The following AHI1 variants were observed in gnomAD, a reference collection of about 807,000 sequenced individuals.
AHI1 encodes the protein Abelson helper integration site 1.
In AHI1, 123 loss-of-function variants were observed where a neutral mutation model predicts 149.3. That is an observed-to-expected ratio of 0.82 (90% CI 0.71 to 0.96). The LOEUF (loss-of-function observed/expected upper bound fraction) is 0.96. Among genes scored for constraint, AHI1 ranks in the 40% least tolerant of loss-of-function variants. The pLI is 0.00. For missense variants in AHI1, 1,439 were observed against 1,422.7 expected (o/e 1.01, Z -0.18); for synonymous variants, 475 against 459.8 (o/e 1.03, Z -0.42).
chr6:135,352,396 A>G (rs1792260024), intron 24 of AHI1, among the ~76,000 whole-genome samples: 1 of 151,964 alleles, frequency 6.6e-6, no homozygotes, highest in Admixed American at 6.6e-5. Flanking sequence ...TCTTTCTATA[A>G]TCTTTGGTCA....
chr6:135,322,386 GCT>G (rs1217343663), intron 25 of AHI1, among the ~76,000 whole-genome samples: 2 of 151,960 alleles, frequency 1.3e-5, no homozygotes, highest in Non-Finnish European at 2.9e-5. Context: ...TTGTTTTCAG[GCT>G]CTCTGCGTTC....
At chr6:135,494,008 G>A (rs1404936974) in intron 3 of AHI1, among the ~76,000 whole-genome samples, 7 of 152,284 alleles carry the variant, frequency 4.6e-5, no homozygotes, top group South Asian at 4.2e-4. Context: ...GCACCAGTGC[G>A]CTCCAGGTGA....
intron 11 of AHI1, among the ~76,000 whole-genome samples, chr6:135,451,912 A>T (rs2327614): frequency 0.44 from 66,629 of 151,610 alleles, 17,674 homozygotes; most frequent in East Asian, 0.59. Context: ...AAAGGCATTA[A>T]CAGATTTATA....
intron 17 of AHI1, 58 bp from the exon 18 acceptor site, chr6:135,430,058 T>A: frequency 2.2e-6 from 2 of 906,004 alleles, no homozygotes; most frequent in South Asian, 1.6e-5. Flanking sequence ...TAAACTTTTT[T>A]GGGGGTACAA....
chr6:135,399,407 A>C (rs556586090), intron 22 of AHI1, among the ~76,000 whole-genome samples: 1 of 152,250 alleles, frequency 6.6e-6, no homozygotes, highest in Non-Finnish European at 1.5e-5. Context: ...GGGTACAACA[A>C]AGCTTGTCTC....
intron 20 of AHI1, among the ~76,000 whole-genome samples, chr6:135,426,612 G>A (rs566927073): frequency 1.5e-4 from 23 of 151,428 alleles, no homozygotes; most frequent in Non-Finnish European, 3.3e-4. Flanking sequence ...CCTAATTTCA[G>A]GATAGAAATT....
chr6:135,443,059 C>T (rs1016827106), intron 13 of AHI1, among the ~76,000 whole-genome samples: 1 of 152,188 alleles, frequency 6.6e-6, no homozygotes, highest in Non-Finnish European at 1.5e-5. Context: ...TATGACAGCA[C>T]TAGTAAGTCA....
At chr6:135,389,219 G>A (rs1296811324) in intron 23 of AHI1, among the ~76,000 whole-genome samples, 1 of 151,218 alleles carries the variant, frequency 6.6e-6, no homozygotes, top group Admixed American at 6.6e-5. Context: ...GCTGAGGCAG[G>A]AGAATGGAGT....
rs778436772 is a variant in AHI1 at position 135,463,138 on chromosome 6, C to T, written c.918G>A (p.Lys306=). 2 of 1,576,810 alleles carry T rather than the reference C, an allele frequency of 1.3e-6. No individual in the cohort carries two copies. The highest frequency in any genetic ancestry group is 1.7e-6 in the Non-Finnish European group (2 of 1,163,680). Residue 306 remains lysine (K), a synonymous_variant, in exon 8 of 29, where the codon AAG becomes AAA. Coordinates refer to ENST00000265602, the MANE Select transcript of AHI1 (RefSeq NM_001134831.2). ...TGTATAGCAAACCTGCTTTAGTCTT[C>T]TTTTTTGTTTTTTTTGGTTTAGGTT... ...DTKPKPKKTK[K]KTKAVADNNE...
chr6:135,346,953 C>A (rs1791324059), intron 24 of AHI1, among the ~76,000 whole-genome samples: 1 of 152,230 alleles, frequency 6.6e-6, no homozygotes, highest in Non-Finnish European at 1.5e-5. Context: ...ACTTACACAT[C>A]TTTAACCCAC....
At chr6:135,420,946 A>G (rs1435694653) in intron 20 of AHI1, among the ~76,000 whole-genome samples, 3 of 152,114 alleles carry the variant, frequency 2.0e-5, no homozygotes, top group Non-Finnish European at 2.9e-5. Context: ...TATAATGAGA[A>G]ATGTACAATT....
chr6:135,477,886 C>T (rs1449620529), intron 5 of AHI1, among the ~76,000 whole-genome samples: 1 of 152,214 alleles, frequency 6.6e-6, no homozygotes, highest in African/African-American at 2.4e-5. Flanking sequence ...CAGCCTCTGC[C>T]TCCCAGGTTC....
intron 24 of AHI1, among the ~76,000 whole-genome samples, chr6:135,346,987 G>T (rs1444641615): frequency 1.3e-5 from 2 of 152,120 alleles, no homozygotes; most frequent in African/African-American, 2.4e-5. Flanking sequence ...GAATTGAAGT[G>T]CCCCTCTTCC....
At chr6:135,359,768 G>T (rs1326514169) in intron 23 of AHI1, among the ~76,000 whole-genome samples, 1 of 152,044 alleles carries the variant, frequency 6.6e-6, no homozygotes, top group African/African-American at 2.4e-5. Flanking sequence ...GACCTAGGCT[G>T]ATTACTGATT....
Position 135,466,134 on chromosome 6 carries a change from C to T in AHI1, c.429G>A (p.Pro143=), listed in dbSNP as rs376566315. 1.1e-5 allele frequency: 18 copies of T among 1,613,638 alleles called. 1 individual carries two copies. The highest frequency in any genetic ancestry group is 1.6e-4 in the Middle Eastern group (1 of 6,082). Residue 143 remains proline, a synonymous_variant, in exon 7 of 29, where the codon CCG becomes CCA. Transcript: ENST00000265602. ...AATCAACCTTATTCTCAGGAGTTTC[C>T]GGTTTCAGGTCTTGTGTAGTCAACT... ...VPQLTTQDLK[P]ETPENKVDST...
chr6:135,476,094 C>A (rs1792582280), intron 5 of AHI1, among the ~76,000 whole-genome samples: 1 of 152,162 alleles, frequency 6.6e-6, no homozygotes, highest in Non-Finnish European at 1.5e-5. Flanking sequence ...TGTAATGCTA[C>A]AAGTTTCCTT....
intron 24 of AHI1, among the ~76,000 whole-genome samples, chr6:135,337,284 C>G (rs1168588112): frequency 6.6e-6 from 1 of 152,176 alleles, no homozygotes; most frequent in African/African-American, 2.4e-5. Context: ...ACCAAACAAG[C>G]AAGCTACATG....
At chr6:135,387,973 C>T in intron 23 of AHI1, 1 of 1,613,572 alleles carries the variant, frequency 6.2e-7, no homozygotes, top group Non-Finnish European at 8.5e-7. Context: ...GGCTGGCTGA[C>T]CCTGAGTCTA....
intron 5 of AHI1, among the ~76,000 whole-genome samples, chr6:135,473,161 T>C (rs1403130977): frequency 6.6e-6 from 1 of 152,166 alleles, no homozygotes; most frequent in Non-Finnish European, 1.5e-5. Context: ...AAGTTTATTA[T>C]ATATGAATAT....
Sources: allele counts gnomAD v4.1 joint callset (sites outside exome capture counted in the v4.1 genomes callset), GRCh38; gene constraint gnomAD v4.1.1; transcripts MANE v1.5; gene names NCBI Gene and HGNC (gene_info 2026-07-23, HGNC 2026-07-21).